The following ALLC variants were observed in gnomAD, a reference collection of about 807,000 sequenced individuals.
The protein encoded by ALLC is probable inactive allantoicase.
Under a neutral mutation model 45.0 loss-of-function variants are expected in ALLC, and 40 were observed. That is an observed-to-expected ratio of 0.89 (90% confidence interval 0.69 to 1.16). ALLC has a LOEUF of 1.16. Among genes scored for constraint, ALLC ranks in the 50% most tolerant of loss-of-function variants. The pLI is 0.00. For synonymous variants in ALLC, 176 were observed against 178.1 expected (o/e 0.99, Z 0.09); for missense variants, 488 against 493.1 (o/e 0.99, Z 0.10).
chr2:3,674,402 C>T (rs1666969021), intron 3 of ALLC, among the ~76,000 whole-genome samples: 1 of 152,162 alleles, frequency 6.6e-6, no homozygotes, highest in South Asian at 2.1e-4. Context: ...TGAATTTCAT[C>T]ATTTGTGTTG....
At chr2:3,687,766 T>C (rs927527223) in intron 7 of ALLC, among the ~76,000 whole-genome samples, 8 of 151,126 alleles carry the variant, frequency 5.3e-5, no homozygotes, top group Admixed American at 4.0e-4. Flanking sequence ...TTTGTAATTC[T>C]GTGGTCACAT....
intron 2 of ALLC, among the ~76,000 whole-genome samples, chr2:3,671,836 T>TGGGAGG (rs2147998741): frequency 1.4e-5 from 2 of 140,350 alleles, no homozygotes; most frequent in Admixed American, 1.4e-4. Context: ...TCTGGTTAGA[T>TGGGAGG]TGGAGGTCCT....
Position 3,683,106 on chromosome 2 carries a change from A to AT in ALLC, c.511+33dup, listed in dbSNP as rs1422891830. On this transcript the variant is annotated intron_variant, in intron 7 of 11. Coordinates refer to ENST00000252505, the MANE Select transcript of ALLC (RefSeq NM_018436.4). The stretch of plus-strand genomic sequence containing the variant: ...GTGACATGGACTTATCACCAGTTCC[A>AT]TGGCTTCTTTATTTTATGTTGACAT... 5.0e-6 allele frequency: 8 copies of AT among 1,588,138 alleles called. No individual in the cohort carries two copies. The South Asian group carries it at 9.3e-5, about 18-fold the overall frequency.
At position 3,702,504 on chromosome 2, in the gene ALLC, C is replaced by G; in HGVS notation, c.1117C>G (p.Leu373Val). Residue 373 changes from leucine (L) to valine (V), a missense_variant, in exon 12 of 12, where the codon CTG becomes GTG. Physicochemically the swap from Leu to Val is conservative, Grantham distance 32 (BLOSUM62 1). Coordinates refer to ENST00000252505, the MANE Select transcript of ALLC (RefSeq NM_018436.4). ...LRGFPSSICL[L>V]RPREKPMLKF... ...GGGCTTCCCCAGCTCCATCTGCCTCCTGAGGCCCCGGGAGAAGCCCATGTT... is the reference window on the plus strand; with the variant it reads ...GGGCTTCCCCAGCTCCATCTGCCTCGTGAGGCCCCGGGAGAAGCCCATGTT... 2 of 1,611,554 alleles carry G rather than the reference C, an allele frequency of 1.2e-6. No individual in the cohort carries two copies. Among genetic ancestry groups the G allele is most frequent in the Non-Finnish European group, 1.7e-6 (2 of 1,179,316 alleles).
At position 3,674,057 on chromosome 2, in the gene ALLC, C is replaced by T; in HGVS notation, c.34-18C>T. On this transcript the variant is annotated intron_variant, in intron 2 of 11. Coordinates refer to ENST00000252505, the MANE Select transcript of ALLC (RefSeq NM_018436.4). Reference sequence around the variant, plus strand: ...ATTTATGGTTGCTTTATCTTTCTTTCTTTCTTTCTTTGTCTAGATTTTATT... The same window carrying T: ...ATTTATGGTTGCTTTATCTTTCTTTTTTTCTTTCTTTGTCTAGATTTTATT... The T allele has an allele frequency of 6.6e-7, 1 of 1,523,494 alleles. No homozygotes were observed. The highest frequency in any genetic ancestry group is 8.9e-7 in the Non-Finnish European group (1 of 1,123,140). The allele number at this position is 1,523,494 out of a possible 1,614,324, so 94.4% of individuals were successfully genotyped here.
chr2:3,696,477 A>T, intron 9 of ALLC, 129 bp downstream of exon 9: 1 of 693,912 alleles, frequency 1.4e-6, no homozygotes, highest in Non-Finnish European at 2.2e-6. Flanking sequence ...AATTACTATG[A>T]TTTATATTTT....
Position 3,696,368 on chromosome 2 carries a change from T to A in ALLC, c.741+20T>A. 2 of 1,593,116 alleles carry A rather than the reference T, an allele frequency of 1.3e-6. No individual in the cohort carries two copies. Among genetic ancestry groups the A allele is most frequent in the Non-Finnish European group, 1.7e-6 (2 of 1,169,802 alleles). ...TTAGAAGTAAGAAGTTAAAAATAAC[T>A]ATGGTTTAAAGTTTTTCTTAAAAGT... On this transcript the variant is annotated intron_variant, in intron 9 of 11. Coordinates refer to ENST00000252505, the MANE Select transcript of ALLC (RefSeq NM_018436.4).
chr2:3,676,543 G>A (rs548631407), intron 3 of ALLC, among the ~76,000 whole-genome samples: 6 of 152,098 alleles, frequency 3.9e-5, no homozygotes, highest in East Asian at 1.9e-4. Flanking sequence ...CACCGTGCCC[G>A]GCCCTAAACC....
At chr2:3,652,120 GC>G in the ALLC span, among the ~76,000 whole-genome samples, 1 of 152,226 alleles carries the variant, frequency 6.6e-6, no homozygotes, top group African/African-American at 2.4e-5. Flanking sequence ...GAGGCCCGGA[GC>G]CCCGCCTCGG....
intron 10 of ALLC, among the ~76,000 whole-genome samples, chr2:3,697,673 T>C (rs1349047705): frequency 1.4e-5 from 2 of 144,928 alleles, no homozygotes. Flanking sequence ...CTATCTTTTA[T>C]TTATTTTTTT....
the ALLC span, among the ~76,000 whole-genome samples, chr2:3,646,523 T>G: frequency 6.6e-6 from 1 of 152,196 alleles, no homozygotes; most frequent in Non-Finnish European, 1.5e-5. Flanking sequence ...ACCTGAGTGG[T>G]CCCTGGTTTG....
At chr2:3,675,097 C>T (rs1666987636) in intron 3 of ALLC, among the ~76,000 whole-genome samples, 1 of 152,090 alleles carries the variant, frequency 6.6e-6, no homozygotes, top group Non-Finnish European at 1.5e-5. Flanking sequence ...TATGTGGCTA[C>T]TAGAATGAGG....
At chr2:3,653,726 C>T (rs1381744249), upstream of ALLC, among the ~76,000 whole-genome samples, 1 of 152,150 alleles carries the variant, frequency 6.6e-6, no homozygotes, top group Admixed American at 6.5e-5. The surrounding 1 kb of genome is among the most constrained non-coding windows in gnomAD (Gnocchi z 4.1). Context: ...TTTCCCTCAT[C>T]CCGTGGGCCA....
At chr2:3,697,212 A>C (rs566467583) in intron 9 of ALLC, 136 bp from the exon 10 acceptor site, 1 of 614,620 alleles carries the variant, frequency 1.6e-6, no homozygotes, top group Admixed American at 3.0e-5. Context: ...TGATTTACAC[A>C]TCAGGCCACA....
At chr2:3,683,125 T>C in intron 7 of ALLC, 51 bp downstream of exon 7, 1 of 1,549,956 alleles carries the variant, frequency 6.5e-7, no homozygotes, top group Non-Finnish European at 8.7e-7. Flanking sequence ...TTATTTTATG[T>C]TGACATGTTT....
At chr2:3,681,816 A>G in intron 6 of ALLC, 103 bp downstream of exon 6, 1 of 850,502 alleles carries the variant, frequency 1.2e-6, no homozygotes, top group Non-Finnish European at 1.8e-6. Flanking sequence ...TGGGACGCCC[A>G]GCCCTGATGC....
At chr2:3,645,853 C>G in the ALLC span, among the ~76,000 whole-genome samples, 26 of 152,030 alleles carry the variant, frequency 1.7e-4, no homozygotes, top group African/African-American at 5.8e-4. The surrounding 1 kb of genome is among the most constrained non-coding windows in gnomAD (Gnocchi z 4.3). Context: ...TACATTCCCT[C>G]CCAGCTGGTG....
rs1011719095 is a variant in ALLC at position 3,680,727 on chromosome 2, C to T, written c.298+733C>T. Reference sequence around the variant, plus strand: ...TAGGGAAAGGGTCTGCGTGCTCCAGCGGGACAACTGAAGGCAGCCTCCAGA... The same window carrying T: ...TAGGGAAAGGGTCTGCGTGCTCCAGTGGGACAACTGAAGGCAGCCTCCAGA... On this transcript the variant is annotated intron_variant, in intron 5 of 11. Coordinates refer to ENST00000252505, the MANE Select transcript of ALLC (RefSeq NM_018436.4). This position sits in a 1 kb window ranked among gnomAD's most constrained non-coding sequence, Gnocchi z 4.0. Among the ~76,000 whole-genome samples, 16 of 151,822 alleles carry T rather than the reference C, an allele frequency of 1.1e-4. No homozygotes were observed. The highest frequency in any genetic ancestry group is 7.4e-5 in the Non-Finnish European group (5 of 67,932).
intron 7 of ALLC, among the ~76,000 whole-genome samples, chr2:3,684,264 T>A (rs1008344617): frequency 1.3e-5 from 2 of 152,224 alleles, no homozygotes; most frequent in African/African-American, 2.4e-5. Context: ...TGTCTTACTT[T>A]TTGTTTATAG....
Sources: gnomAD v4.1 joint callset for allele counts (sites outside exome capture counted in the v4.1 genomes callset) on GRCh38, gnomAD v4.1.1 for gene constraint, Gnocchi (gnomAD v3.1) non-coding constraint, MANE v1.5 for transcripts, NCBI Gene and HGNC (gene_info 2026-07-23, HGNC 2026-07-21) for gene names.